Variants in PSMD11 observed in about 807,000 individuals in gnomAD.
PSMD11 encodes the protein proteasome 26S subunit, non-ATPase 11.
In PSMD11, 5 loss-of-function variants were observed where a neutral mutation model predicts 62.3. The ratio of observed to expected loss-of-function variants is 0.08; its 90% CI spans 0.04 to 0.17. The LOEUF (loss-of-function observed/expected upper bound fraction) is 0.17, where lower values mean the gene tolerates loss of function less well. Ranked by LOEUF, PSMD11 falls within the 10% of genes least tolerant of loss-of-function variation. PSMD11 has a pLI of 1.00. For missense variants in PSMD11, 310 were observed against 512.9 expected, an observed-to-expected ratio of 0.60 and a Z score of 3.82; for synonymous variants, 191 against 191.8, an observed-to-expected ratio of 1.00 and a Z score of 0.03.
At chr17:32,472,365 G>A (rs1482601407) in intron 6 of PSMD11, among the ~76,000 whole-genome samples, 4 of 151,678 alleles carry the variant, frequency 2.6e-5, no homozygotes, top group Non-Finnish European at 5.9e-5. Context: ...TGGGATTACA[G>A]GCATGTACCA....
Position 32,477,218 on chromosome 17 carries a change from CTCT to C in PSMD11, c.850-301_850-299del, listed in dbSNP as rs1908353829. ...GAGGAAGGGAGAAGAAATCACAGTT[CTCT>C]TGTCATTTTTCCTTTTAGCTTGTCA... On this transcript the variant is annotated intron_variant, in intron 8 of 13. Transcript: ENST00000261712. 3.5e-5 allele frequency: 10 copies of C among 289,306 alleles called. No individual in the cohort carries two copies. The South Asian group carries it at 1.3e-3, about 38-fold the overall frequency. 17.9% of individuals were successfully genotyped at this position (289,306 alleles called of 1,614,324 possible). A position where few individuals can be genotyped will look rare whatever the true frequency, so the allele number is the denominator to read the frequency against.
At position 32,483,279 on chromosome 17, in the gene PSMD11, T is replaced by C. The variant is rs1454349002; in HGVS notation, c.*2527T>C. 2 of 152,238 alleles carry C rather than the reference T, an allele frequency of 1.3e-5. No homozygotes were observed. Among genetic ancestry groups the C allele is most frequent in the African/African-American group, 4.8e-5 (2 of 41,460 alleles). 9.4% of individuals were successfully genotyped at this position (152,238 alleles called of 1,614,324 possible). A position where few individuals can be genotyped will look rare whatever the true frequency, so the allele number is the denominator to read the frequency against. On this transcript the variant is annotated 3_prime_UTR_variant, in exon 14 of 14. Coordinates refer to ENST00000261712, the MANE Select transcript of PSMD11 (RefSeq NM_002815.4). ...ACTTTTTTATATATGTGTTGAAATA[T>C]TTTGGGTATTGGGTTAAATAAAATA...
intron 2 of PSMD11, among the ~76,000 whole-genome samples, chr17:32,450,853 T>C (rs2150829029): frequency 6.6e-6 from 1 of 151,734 alleles, no homozygotes; most frequent in South Asian, 2.1e-4. Context: ...AAGCCAGGAG[T>C]TATGTGGACC....
At chr17:32,444,659 G>T (rs746508120) in intron 1 of PSMD11, 45 bp downstream of exon 1, 58 of 1,603,780 alleles carry the variant, frequency 3.6e-5, no homozygotes, top group Non-Finnish European at 4.8e-5. Context: ...GGCCCAGCTC[G>T]GCTTATGTCG....
rs778292760 is a variant in PSMD11 at position 32,478,922 on chromosome 17, A to G, written c.913-329A>G. 2.2e-4 allele frequency among the ~76,000 whole-genome samples: 34 copies of G among 151,852 alleles called. 1 individual carries two copies. Among genetic ancestry groups the G allele is most frequent in the Admixed American group, 9.2e-4 (14 of 15,252 alleles). ...TTTGTATTTTTTTTTTCTCTTAGAG[A>G]CTACCATAAAATAGCATTTTTAAAA... On this transcript the variant is annotated intron_variant, in intron 9 of 13. Coordinates refer to ENST00000261712, the MANE Select transcript of PSMD11 (RefSeq NM_002815.4).
intron 5 of PSMD11, among the ~76,000 whole-genome samples, chr17:32,465,365 A>C (rs1347664398): frequency 2.6e-5 from 4 of 151,986 alleles, no homozygotes; most frequent in African/African-American, 9.7e-5. Flanking sequence ...TGCCTGCCTT[A>C]GCCTCCCAAA....
chr17:32,464,483 T>C, intron 4 of PSMD11, 38 bp from the exon 5 acceptor site: 1 of 1,500,710 alleles, frequency 6.7e-7, no homozygotes, highest in South Asian at 1.2e-5. Flanking sequence ...CTGTGGCTTT[T>C]TCCCCCCCCT....
intron 2 of PSMD11, among the ~76,000 whole-genome samples, chr17:32,449,062 T>G (rs1251106072): frequency 6.6e-6 from 1 of 152,216 alleles, no homozygotes; most frequent in Non-Finnish European, 1.5e-5. Context: ...CAAAATATAA[T>G]AAGGTAATTT....
chr17:32,474,971 G>T (rs562602110), intron 8 of PSMD11, 147 bp downstream of exon 8: 3 of 767,308 alleles, frequency 3.9e-6, no homozygotes, highest in African/African-American at 1.7e-5. Context: ...AGCCCATTCA[G>T]TGTGTTTCCC....
chr17:32,459,870 G>C (rs777314589), intron 3 of PSMD11, among the ~76,000 whole-genome samples: 2 of 151,414 alleles, frequency 1.3e-5, no homozygotes, highest in Admixed American at 1.3e-4. Flanking sequence ...CAGGTGATCC[G>C]CCTGTCTTGG....
intron 1 of PSMD11, chr17:32,445,656 T>C (rs1907311491): frequency 6.6e-6 from 1 of 152,250 alleles, no homozygotes; most frequent in Non-Finnish European, 1.5e-5. Context: ...TAGTGTAGTT[T>C]GGGAAGATCT....
At chr17:32,454,801 G>T in intron 3 of PSMD11, 182 bp downstream of exon 3, 1 of 564,884 alleles carries the variant, frequency 1.8e-6, no homozygotes, top group Non-Finnish European at 2.9e-6. Context: ...TCCATGCTTT[G>T]CTTTGTAAGT....
intron 3 of PSMD11, chr17:32,455,022 G>A: frequency 5.9e-6 from 1 of 168,120 alleles, no homozygotes. Context: ...TTTATTGAGG[G>A]GTGAGCATCC....
At chr17:32,454,464 T>C (rs1486464090) in intron 2 of PSMD11, 31 bp from the exon 3 acceptor site, 1 of 1,609,120 alleles carries the variant, frequency 6.2e-7, no homozygotes, top group East Asian at 2.2e-5. Flanking sequence ...TGTTGATGTT[T>C]ACTCCTCTTT....
chr17:32,478,718 CTTT>C (rs1028523949), intron 9 of PSMD11, among the ~76,000 whole-genome samples: 1 of 152,080 alleles, frequency 6.6e-6, no homozygotes, highest in Non-Finnish European at 1.5e-5. Flanking sequence ...CCTCAATGTT[CTTT>C]TTTTCCCCCC....
intron 9 of PSMD11, among the ~76,000 whole-genome samples, 155 bp from the exon 10 acceptor site, chr17:32,479,096 C>G (rs968413548): frequency 7.2e-5 from 11 of 152,104 alleles, no homozygotes; most frequent in African/African-American, 2.7e-4. Context: ...TCTTGACATT[C>G]CTTTTCTGCT....
At chr17:32,451,344 ATAAT>A (rs1907494154) in intron 2 of PSMD11, among the ~76,000 whole-genome samples, 1 of 152,222 alleles carries the variant, frequency 6.6e-6, no homozygotes, top group Non-Finnish European at 1.5e-5. Context: ...GCAGAAAGAG[ATAAT>A]TAATGGTAGG....
intron 6 of PSMD11, among the ~76,000 whole-genome samples, chr17:32,470,738 TCTGGCTTATTCTCTCTCTATACTG>T (rs1908141093): frequency 6.6e-6 from 1 of 152,256 alleles, no homozygotes; most frequent in South Asian, 2.1e-4. Flanking sequence ...TATTTTTGGG[TCTGGCTTATTCTCTCTCTATACTG>T]GGAGATGTGG....
At chr17:32,466,019 G>C (rs1299108969) in intron 5 of PSMD11, among the ~76,000 whole-genome samples, 1 of 151,780 alleles carries the variant, frequency 6.6e-6, no homozygotes, top group South Asian at 2.1e-4. Context: ...TCTTTGAGAT[G>C]GAGTCTCACT....
Sources: gnomAD v4.1 joint callset for allele counts (sites outside exome capture counted in the v4.1 genomes callset) on GRCh38, gnomAD v4.1.1 for gene constraint, MANE v1.5 for transcripts, NCBI Gene and HGNC (gene_info 2026-07-23, HGNC 2026-07-21) for gene names.